The following CAMKMT variants were observed in gnomAD, a reference collection of about 807,000 sequenced individuals.
CAMKMT encodes the protein CaM KMT.
A neutral mutation model predicts 48.0 loss-of-function variants in CAMKMT; 53 were observed. The ratio of observed to expected loss-of-function variants is 1.10; its 90% CI spans 0.89 to 1.39. The LOEUF (loss-of-function observed/expected upper bound fraction) is 1.39. Ranked by LOEUF, CAMKMT falls within the 40% of genes most tolerant of loss-of-function variation. The pLI is 0.00. For missense variants in CAMKMT, 428 were observed against 402.7 expected, an observed-to-expected ratio of 1.06 and a Z score of -0.54; for synonymous variants, 165 against 152.3, an observed-to-expected ratio of 1.08 and a Z score of -0.61.
At chr2:44,494,495 G>A (rs1223228915) in intron 3 of CAMKMT, among the ~76,000 whole-genome samples, 2 of 152,060 alleles carry the variant, frequency 1.3e-5, no homozygotes, top group Non-Finnish European at 2.9e-5. Context: ...TGTTGCTAAG[G>A]GATAATGGTC....
At chr2:44,580,550 C>G (rs1669498122) in intron 3 of CAMKMT, among the ~76,000 whole-genome samples, 1 of 152,114 alleles carries the variant, frequency 6.6e-6, no homozygotes. Flanking sequence ...GTGTTTTTCA[C>G]TAAATTGTCA....
chr2:44,614,936 C>CTGTTTT (rs1671791137), intron 3 of CAMKMT, among the ~76,000 whole-genome samples: 1 of 48,990 alleles, frequency 2.0e-5, no homozygotes, highest in Non-Finnish European at 3.3e-5. Flanking sequence ...GGTCTCCTTG[C>CTGTTTT]TTTTTTTTTT....
At chr2:44,499,106 T>A (rs1040725102) in intron 3 of CAMKMT, among the ~76,000 whole-genome samples, 1 of 152,180 alleles carries the variant, frequency 6.6e-6, no homozygotes, top group Non-Finnish European at 1.5e-5. Flanking sequence ...AATCTTTTTT[T>A]AAAAAATGAA....
rs1355399959 is a variant in CAMKMT at position 44,653,481 on chromosome 2, A to G, written c.377-50802A>G. On this transcript the variant is annotated intron_variant, in intron 3 of 10. Transcript: ENST00000378494. This position sits in a 1 kb window ranked among gnomAD's most constrained non-coding sequence, Gnocchi z 5.2. ...AGAGAAACATGGGCCCTTAGGAGTGAAGTAACTTGTCCTTGGTCACCCAGA... is the reference window on the plus strand; with the variant it reads ...AGAGAAACATGGGCCCTTAGGAGTGGAGTAACTTGTCCTTGGTCACCCAGA... Among the ~76,000 whole-genome samples, 1 of 152,180 alleles carries G rather than the reference A, an allele frequency of 6.6e-6. No homozygotes were observed. Among genetic ancestry groups the G allele is most frequent in the African/African-American group, 2.4e-5 (1 of 41,442 alleles).
chr2:44,763,210 T>C (rs549178879), intron 9 of CAMKMT, among the ~76,000 whole-genome samples: 1 of 152,260 alleles, frequency 6.6e-6, no homozygotes, highest in Admixed American at 6.5e-5. Context: ...CTGTATTCAA[T>C]GAACTGAAAA....
chr2:44,554,779 G>A (rs868113003), intron 3 of CAMKMT, among the ~76,000 whole-genome samples: 9 of 152,128 alleles, frequency 5.9e-5, no homozygotes, highest in Admixed American at 1.3e-4. Flanking sequence ...GGGAGGCTGA[G>A]GTGGGAGAAT....
intron 3 of CAMKMT, among the ~76,000 whole-genome samples, chr2:44,588,844 C>T (rs1572866110): frequency 3.0e-5 from 1 of 33,254 alleles, no homozygotes; most frequent in East Asian, 4.8e-4. Flanking sequence ...GCCCCCCGCC[C>T]GGCCAGCCGC....
At position 44,363,076 on chromosome 2, in the gene CAMKMT, G is replaced by C. The variant is rs1678124837; in HGVS notation, c.138+931G>C. Among the ~76,000 whole-genome samples, 4 of 152,122 alleles carry C rather than the reference G, an allele frequency of 2.6e-5. No individual in the cohort carries two copies. In the South Asian group the frequency reaches 8.3e-4, roughly 31 times the overall value. ...CTTTTAGTATTTTGGGGATCACTTTGTTTGCAGTTGCCTTGAGTCACCTTT... is the reference window on the plus strand; with the variant it reads ...CTTTTAGTATTTTGGGGATCACTTTCTTTGCAGTTGCCTTGAGTCACCTTT... On this transcript the variant is annotated intron_variant, in intron 1 of 10. Transcript: ENST00000378494.
intron 3 of CAMKMT, among the ~76,000 whole-genome samples, chr2:44,695,637 A>T (rs905870700): frequency 6.6e-6 from 1 of 152,214 alleles, no homozygotes; most frequent in Non-Finnish European, 1.5e-5. Flanking sequence ...CTACATAGGG[A>T]TGTTTTTTAA....
intron 3 of CAMKMT, among the ~76,000 whole-genome samples, chr2:44,491,581 C>A (rs767281365): frequency 1.3e-5 from 2 of 152,152 alleles, no homozygotes; most frequent in Non-Finnish European, 2.9e-5. Context: ...TTTAATTGAG[C>A]TATTCATAGG....
intron 3 of CAMKMT, among the ~76,000 whole-genome samples, chr2:44,616,050 C>A (rs987350216): frequency 6.6e-6 from 1 of 152,194 alleles, no homozygotes; most frequent in Admixed American, 6.5e-5. Context: ...ACCCAGAGGT[C>A]AGCCTGGACA....
At chr2:44,667,968 C>T (rs1675097867) in intron 3 of CAMKMT, among the ~76,000 whole-genome samples, 1 of 152,212 alleles carries the variant, frequency 6.6e-6, no homozygotes, top group South Asian at 2.1e-4. Context: ...CTTCCTCTCT[C>T]ACTTCAACAG....
intron 3 of CAMKMT, among the ~76,000 whole-genome samples, chr2:44,409,897 G>C (rs1683072479): frequency 2.0e-5 from 3 of 151,996 alleles, no homozygotes; most frequent in Admixed American, 2.0e-4. Flanking sequence ...TTAGGTCCTG[G>C]GGTATAAAGA....
chr2:44,728,836 A>G (rs892631343), intron 7 of CAMKMT, among the ~76,000 whole-genome samples: 6 of 71,980 alleles, frequency 8.3e-5, no homozygotes, highest in Non-Finnish European at 1.2e-4. Flanking sequence ...TAGGGGGTCT[A>G]TCCTTTTTTT....
intron 3 of CAMKMT, among the ~76,000 whole-genome samples, chr2:44,626,522 A>G (rs1338035211): frequency 2.6e-5 from 4 of 152,206 alleles, no homozygotes; most frequent in Non-Finnish European, 4.4e-5. Context: ...TAAAAAACAG[A>G]AATTTATTTC....
intron 7 of CAMKMT, among the ~76,000 whole-genome samples, chr2:44,741,017 G>C (rs1240700033): frequency 2.0e-5 from 3 of 152,188 alleles, no homozygotes; most frequent in Non-Finnish European, 4.4e-5. Flanking sequence ...CCATGGACTG[G>C]TGCCAGTCTG....
chr2:44,496,825 A>G (rs999575586), intron 3 of CAMKMT, among the ~76,000 whole-genome samples: 1 of 152,178 alleles, frequency 6.6e-6, no homozygotes, highest in African/African-American at 2.4e-5. Context: ...ATTTAAGTCT[A>G]ATATGTAGGC....
chr2:44,685,765 T>C (rs1240228096), intron 3 of CAMKMT, among the ~76,000 whole-genome samples: 2 of 152,162 alleles, frequency 1.3e-5, no homozygotes, highest in Non-Finnish European at 2.9e-5. Flanking sequence ...AAAGTATTAA[T>C]TGAATAGGAG....
At chr2:44,544,903 G>T (rs567091669) in intron 3 of CAMKMT, among the ~76,000 whole-genome samples, 1 of 152,286 alleles carries the variant, frequency 6.6e-6, no homozygotes, top group African/African-American at 2.4e-5. Flanking sequence ...ATTATCTGAT[G>T]TAATCCAATG....
Sources: gnomAD v4.1 joint callset for allele counts (sites outside exome capture counted in the v4.1 genomes callset) on GRCh38, gnomAD v4.1.1 for gene constraint, Gnocchi (gnomAD v3.1) non-coding constraint, MANE v1.5 for transcripts, NCBI Gene and HGNC (gene_info 2026-07-23, HGNC 2026-07-21) for gene names.